The following MAN2A1 variants were observed in gnomAD, a reference collection of about 807,000 sequenced individuals.
MAN2A1 encodes the protein mannosidase alpha class 2A member 1.
In MAN2A1, 76 loss-of-function variants were observed where a neutral mutation model predicts 142.6. That is an observed-to-expected ratio of 0.53 (90% CI 0.44 to 0.65). The LOEUF (loss-of-function observed/expected upper bound fraction) is 0.65. Ranked by LOEUF, MAN2A1 falls within the 30% of genes least tolerant of loss-of-function variation. MAN2A1 has a pLI of 0.00. For synonymous variants in MAN2A1, 559 were observed against 473.2 expected (o/e 1.18, Z -2.35); for missense variants, 1,311 against 1,365.1 (o/e 0.96, Z 0.62).
chr5:109,802,188 G>A (rs949046277), intron 12 of MAN2A1, among the ~76,000 whole-genome samples: 2 of 152,252 alleles, frequency 1.3e-5, no homozygotes, highest in Non-Finnish European at 2.9e-5. Context: ...ATACTGTACT[G>A]TGTAGACTGC....
At chr5:109,788,784 A>G (rs1753663006) in intron 10 of MAN2A1, 150 bp from the exon 11 acceptor site, 1 of 553,426 alleles carries the variant, frequency 1.8e-6, no homozygotes, top group Admixed American at 3.4e-5. Flanking sequence ...TCTAGGGGAA[A>G]AAAGAGCAGG....
Position 109,708,778 on chromosome 5 carries a change from C to T in MAN2A1, c.136-4742C>T, listed in dbSNP as rs374437553. Reference sequence around the variant, plus strand: ...GTCTGGAGTCTAAAGGCTGGAGAACCTGGAGTTCTGACATCCAATGGCAGG... The same window carrying T: ...GTCTGGAGTCTAAAGGCTGGAGAACTTGGAGTTCTGACATCCAATGGCAGG... On this transcript the variant is annotated intron_variant, in intron 1 of 21. Coordinates refer to ENST00000261483, the MANE Select transcript of MAN2A1 (RefSeq NM_002372.4). Among the ~76,000 whole-genome samples, 7 of 152,258 alleles carry T rather than the reference C, an allele frequency of 4.6e-5. No individual in the cohort carries two copies. In the South Asian group the frequency reaches 1.5e-3, roughly 32 times the overall value.
intron 1 of MAN2A1, among the ~76,000 whole-genome samples, chr5:109,700,097 T>C (rs12654396): frequency 7.0e-4 from 106 of 152,110 alleles, no homozygotes; most frequent in African/African-American, 2.5e-3. Context: ...CTTCCTGATA[T>C]GTAGTTTTTG....
intron 10 of MAN2A1, among the ~76,000 whole-genome samples, chr5:109,788,234 A>AG (rs397948441): frequency 1.1e-3 from 161 of 151,298 alleles, no homozygotes; most frequent in African/African-American, 3.8e-3. Context: ...AAAAAAAAAA[A>AG]TCTTCAAGCA....
chr5:109,841,920 A>C (rs563367741), intron 16 of MAN2A1, among the ~76,000 whole-genome samples: 1 of 152,186 alleles, frequency 6.6e-6, no homozygotes, highest in Non-Finnish European at 1.5e-5. Context: ...CTGGTCTATA[A>C]GGAGAGAATG....
At chr5:109,784,679 A>G (rs1208521349) in intron 9 of MAN2A1, 65 bp from the exon 10 acceptor site, 1 of 1,298,828 alleles carries the variant, frequency 7.7e-7, no homozygotes, top group Admixed American at 2.8e-5. Flanking sequence ...TATCAATGTC[A>G]CAAGTTTTAG....
At chr5:109,815,243 T>G (rs937295307) in intron 12 of MAN2A1, among the ~76,000 whole-genome samples, 1 of 152,052 alleles carries the variant, frequency 6.6e-6, no homozygotes, top group South Asian at 2.1e-4. Flanking sequence ...TAATCTCTGG[T>G]AGGAGGGCTG....
chr5:109,835,243 G>A (rs1345094006), intron 16 of MAN2A1, among the ~76,000 whole-genome samples: 1 of 152,120 alleles, frequency 6.6e-6, no homozygotes, highest in Non-Finnish European at 1.5e-5. Context: ...ATTGAAGAGG[G>A]AATATTCAAA....
At chr5:109,790,020 G>A (rs1753696642) in intron 12 of MAN2A1, among the ~76,000 whole-genome samples, 1 of 151,794 alleles carries the variant, frequency 6.6e-6, no homozygotes, top group African/African-American at 2.4e-5. Flanking sequence ...AAAGTAAATG[G>A]GAAGGGTGTT....
intron 16 of MAN2A1, chr5:109,840,230 G>T: frequency 4.0e-6 from 1 of 251,486 alleles, no homozygotes; most frequent in Non-Finnish European, 7.8e-6. Flanking sequence ...GACTTCTATA[G>T]GTCCTTGCAG....
intron 20 of MAN2A1, among the ~76,000 whole-genome samples, chr5:109,856,930 A>G (rs1232246383): frequency 1.3e-5 from 2 of 152,230 alleles, no homozygotes; most frequent in African/African-American, 4.8e-5. Context: ...GAGAAAAACA[A>G]GAAAAAGTAA....
chr5:109,823,365 TATA>T (rs1235465269), intron 15 of MAN2A1, among the ~76,000 whole-genome samples: 1 of 152,174 alleles, frequency 6.6e-6, no homozygotes, highest in Non-Finnish European at 1.5e-5. Context: ...GGACCATGGT[TATA>T]ATAATTATTT....
At chr5:109,716,074 A>C in intron 2 of MAN2A1, 46 bp from the exon 3 acceptor site, 1 of 1,346,946 alleles carries the variant, frequency 7.4e-7, no homozygotes, top group East Asian at 2.5e-5. Flanking sequence ...ACCAACATTA[A>C]ATTAATAATT....
chr5:109,846,661 G>T (rs1016867335), intron 18 of MAN2A1, among the ~76,000 whole-genome samples: 5 of 152,100 alleles, frequency 3.3e-5, no homozygotes, highest in African/African-American at 1.2e-4. Context: ...TCTAAGAGTT[G>T]GTAGAGATAC....
chr5:109,836,918 A>G (rs184749684), intron 16 of MAN2A1, among the ~76,000 whole-genome samples: 1 of 152,012 alleles, frequency 6.6e-6, no homozygotes, highest in African/African-American at 2.4e-5. Context: ...GATTTTCAGC[A>G]TAGTTTATCA....
intron 16 of MAN2A1, among the ~76,000 whole-genome samples, chr5:109,833,556 G>T (rs1383586438): frequency 1.3e-5 from 2 of 152,106 alleles, no homozygotes; most frequent in Non-Finnish European, 2.9e-5. Flanking sequence ...TGCAATCCCA[G>T]GCACTCGGCA....
Position 109,809,853 on chromosome 5 carries a change from T to A in MAN2A1, c.1944-7420T>A, listed in dbSNP as rs1754270754. 2.0e-5 allele frequency among the ~76,000 whole-genome samples: 3 copies of A among 152,162 alleles called. No homozygotes were observed. The South Asian group carries it at 6.2e-4, about 31-fold the overall frequency. Reference sequence around the variant, plus strand: ...TTATTTCCATCTACACATATCCTATTTCACATATTAGATCTTTTCACTGAG... The same window carrying A: ...TTATTTCCATCTACACATATCCTATATCACATATTAGATCTTTTCACTGAG... On this transcript the variant is annotated intron_variant, in intron 12 of 21. Transcript: ENST00000261483.
chr5:109,731,844 C>T (rs1388789016), intron 4 of MAN2A1, among the ~76,000 whole-genome samples: 3 of 148,314 alleles, frequency 2.0e-5, no homozygotes, highest in Non-Finnish European at 4.5e-5. Flanking sequence ...GTCTTTATAG[C>T]AGCATGATTT....
chr5:109,714,704 T>C (rs1751404366), intron 2 of MAN2A1, among the ~76,000 whole-genome samples: 1 of 152,234 alleles, frequency 6.6e-6, no homozygotes, highest in African/African-American at 2.4e-5. Context: ...ATTATTTGGC[T>C]TCTGGCCTCG....
Sources: gnomAD v4.1 joint callset for allele counts (sites outside exome capture counted in the v4.1 genomes callset) on GRCh38, gnomAD v4.1.1 for gene constraint, MANE v1.5 for transcripts, NCBI Gene and HGNC (gene_info 2026-07-23, HGNC 2026-07-21) for gene names.